Variants in VAV3 observed in about 807,000 individuals in gnomAD.
VAV3 encodes the protein vav guanine nucleotide exchange factor 3.
VAV3 carries 94 observed loss-of-function variants against 131.2 expected under a neutral mutation model. The observed-to-expected ratio is 0.72, with a 90% CI of 0.61 to 0.85. The LOEUF (loss-of-function observed/expected upper bound fraction) is 0.85. Among genes scored for constraint, VAV3 ranks in the 40% least tolerant of loss-of-function variants. The pLI, the probability that VAV3 is intolerant of heterozygous loss-of-function variation, is 0.00. For missense variants in VAV3, 939 were observed against 1,002.7 expected (o/e 0.94, Z 0.86); for synonymous variants, 349 against 342.0 (o/e 1.02, Z -0.22).
At chr1:107,823,413 G>A (rs1012078607) in intron 2 of VAV3, among the ~76,000 whole-genome samples, 2 of 152,182 alleles carry the variant, frequency 1.3e-5, no homozygotes, top group Non-Finnish European at 2.9e-5. Flanking sequence ...GACCTACTGT[G>A]CAGATTAAAA....
chr1:107,722,439 C>T (rs189819493), intron 15 of VAV3, among the ~76,000 whole-genome samples: 20 of 152,246 alleles, frequency 1.3e-4, no homozygotes, highest in Non-Finnish European at 2.2e-4. Context: ...ACTCCTAAGA[C>T]AAAAATTGGA....
intron 1 of VAV3, among the ~76,000 whole-genome samples, chr1:107,933,789 C>T (rs555489677): frequency 2.8e-5 from 3 of 108,516 alleles, no homozygotes; most frequent in African/African-American, 1.1e-4. Flanking sequence ...CCATGCCAGC[C>T]AGGGCAACAA....
chr1:107,654,633 A>G (rs1656410168), intron 19 of VAV3, among the ~76,000 whole-genome samples: 1 of 151,886 alleles, frequency 6.6e-6, no homozygotes, highest in Non-Finnish European at 1.5e-5. Flanking sequence ...CTTTATCCTT[A>G]GTCTAATTAT....
intron 1 of VAV3, among the ~76,000 whole-genome samples, chr1:107,906,402 C>T (rs879696073): frequency 8.5e-5 from 13 of 152,152 alleles, no homozygotes; most frequent in South Asian, 2.1e-4. Flanking sequence ...CGGTGGCTCA[C>T]GCCTGTAATC....
intron 1 of VAV3, among the ~76,000 whole-genome samples, chr1:107,961,683 T>C (rs1278731990): frequency 1.3e-5 from 2 of 152,214 alleles, no homozygotes; most frequent in African/African-American, 4.8e-5. Context: ...ATATACTTAT[T>C]TTTGAACTGA....
chr1:107,774,961 C>T (rs1250698188), intron 4 of VAV3, among the ~76,000 whole-genome samples: 12 of 149,580 alleles, frequency 8.0e-5, no homozygotes, highest in Non-Finnish European at 1.5e-5. Context: ...TATCCCAGAA[C>T]TTTGGGAGGC....
At chr1:107,642,227 C>T (rs981449339) in intron 20 of VAV3, among the ~76,000 whole-genome samples, 2 of 152,108 alleles carry the variant, frequency 1.3e-5, no homozygotes, top group Non-Finnish European at 2.9e-5. Flanking sequence ...AAAGACCTTG[C>T]TGATAAAACA....
At chr1:107,645,043 T>A (rs1424783214) in intron 19 of VAV3, among the ~76,000 whole-genome samples, 1 of 152,020 alleles carries the variant, frequency 6.6e-6, no homozygotes, top group African/African-American at 2.4e-5. Flanking sequence ...CTAAGTTTTT[T>A]ATTTACTCTA....
At chr1:107,650,178 G>A (rs1286754314) in intron 19 of VAV3, among the ~76,000 whole-genome samples, 2 of 152,084 alleles carry the variant, frequency 1.3e-5, no homozygotes, top group Admixed American at 6.6e-5. Context: ...CTGCATGAAA[G>A]CAATGGATAA....
At chr1:107,784,368 C>A (rs946949440) in intron 2 of VAV3, among the ~76,000 whole-genome samples, 1 of 152,074 alleles carries the variant, frequency 6.6e-6, no homozygotes, top group Non-Finnish European at 1.5e-5. Flanking sequence ...TGTATATAAA[C>A]AGCAATGATT....
intron 17 of VAV3, among the ~76,000 whole-genome samples, 159 bp downstream of exon 17, chr1:107,704,391 G>A (rs4526642): frequency 0.14 from 21,785 of 152,108 alleles, 1,678 homozygotes; most frequent in South Asian, 0.25. Flanking sequence ...GAAAACTCAC[G>A]TAAATTTTAA....
chr1:107,714,853 C>G (rs566615849), intron 15 of VAV3, among the ~76,000 whole-genome samples: 1 of 152,218 alleles, frequency 6.6e-6, no homozygotes, highest in African/African-American at 2.4e-5. Flanking sequence ...TCATGCTTAG[C>G]TCTGAAAAAT....
rs1209721154 is a variant in VAV3, at chr1:107,603,039, CTACT to C, written c.2132+4_2132+7del. ...ATCTATTTCTGTAAAAGTACTTGTC[CTACT>C]TACTTAATGCTAATTGCATATTCTC... On this transcript the variant is annotated splice_donor_5th_base_variant and intron_variant, in intron 23 of 26. Coordinates refer to ENST00000370056, the MANE Select transcript of VAV3 (RefSeq NM_006113.5). 3 of 1,592,570 alleles carry C rather than the reference CTACT, an allele frequency of 1.9e-6. No individual in the cohort carries two copies. Among genetic ancestry groups the C allele is most frequent in the Non-Finnish European group, 2.6e-6 (3 of 1,161,490 alleles).
chr1:107,633,825 G>A (rs570978866), intron 20 of VAV3, among the ~76,000 whole-genome samples: 2 of 152,206 alleles, frequency 1.3e-5, no homozygotes, highest in Non-Finnish European at 2.9e-5. Context: ...AGGTCAACGT[G>A]CAGAAAGCCT....
intron 1 of VAV3, among the ~76,000 whole-genome samples, chr1:107,952,855 AT>A (rs1674623596): frequency 6.6e-6 from 1 of 152,168 alleles, no homozygotes; most frequent in African/African-American, 2.4e-5. Context: ...ACTTGCACAA[AT>A]TTCCATGAAA....
At chr1:107,796,343 C>T (rs1191895068) in intron 2 of VAV3, among the ~76,000 whole-genome samples, 1 of 152,078 alleles carries the variant, frequency 6.6e-6, no homozygotes, top group Non-Finnish European at 1.5e-5. Flanking sequence ...GCTTCCAACT[C>T]CTATCAGTGA....
At chr1:107,850,810 T>A (rs573232032) in intron 2 of VAV3, among the ~76,000 whole-genome samples, 34 of 152,268 alleles carry the variant, frequency 2.2e-4, no homozygotes, top group South Asian at 1.0e-3. Flanking sequence ...TTTCTCTTCC[T>A]AATTGTCATT....
At chr1:107,673,040 T>C (rs1050315283) in intron 19 of VAV3, among the ~76,000 whole-genome samples, 4 of 152,176 alleles carry the variant, frequency 2.6e-5, no homozygotes, top group African/African-American at 9.7e-5. Context: ...TATGACGCCA[T>C]TGTTAAATAA....
intron 17 of VAV3, among the ~76,000 whole-genome samples, chr1:107,701,056 G>C (rs1388104473): frequency 1.8e-5 from 2 of 110,622 alleles, no homozygotes; most frequent in African/African-American, 5.6e-5. Context: ...GATCAGTCAT[G>C]TTGAGCTTTT....
Sources: gnomAD v4.1 joint callset for allele counts (sites outside exome capture counted in the v4.1 genomes callset) on GRCh38, gnomAD v4.1.1 for gene constraint, MANE v1.5 for transcripts, NCBI Gene and HGNC (gene_info 2026-07-23, HGNC 2026-07-21) for gene names.